The following ONECUT2 variants were observed in gnomAD, a reference collection of about 807,000 sequenced individuals.
ONECUT2 encodes one cut domain family member 2.
In ONECUT2, 10 loss-of-function variants were observed where a neutral mutation model predicts 27.9. The ratio of observed to expected loss-of-function variants is 0.36; its 90% CI spans 0.22 to 0.61. ONECUT2 has a LOEUF of 0.61. ONECUT2 is among the 20% of genes least tolerant of loss of function. ONECUT2 has a pLI of 0.73. For synonymous variants in ONECUT2, 334 were observed against 315.1 expected, an observed-to-expected ratio of 1.06 and a Z score of -0.64; for missense variants, 686 against 721.0, an observed-to-expected ratio of 0.95 and a Z score of 0.56.
chr18:57,464,971 A>C (rs1375917081), intron 1 of ONECUT2, among the ~76,000 whole-genome samples: 3 of 152,190 alleles, frequency 2.0e-5, no homozygotes, highest in African/African-American at 7.2e-5. Context: ...TAGAAAGCCT[A>C]TAGTTAGAAT....
At chr18:57,439,137 T>C (rs536649214) in intron 1 of ONECUT2, among the ~76,000 whole-genome samples, 6 of 152,352 alleles carry the variant, frequency 3.9e-5, no homozygotes, top group Non-Finnish European at 8.8e-5. Context: ...CTGAAAGTGA[T>C]GAGGAAAGTA....
Position 57,490,286 on chromosome 18 carries a change from G to A in ONECUT2, c.*13563G>A, listed in dbSNP as rs758831979. ...GTTCCAGTATCTTTTCTTCCATCCA[G>A]TTTTGTTCTCAGAATCCAAGTCAGT... On this transcript the variant is annotated 3_prime_UTR_variant, in exon 2 of 2. Transcript: ENST00000491143. The A allele has an allele frequency of 2.0e-5, 3 of 152,170 alleles. No individual in the cohort carries two copies. The highest frequency in any genetic ancestry group is 4.4e-5 in the Non-Finnish European group (3 of 68,040). The allele number at this position is 152,170 out of a possible 1,614,324, so 9.4% of individuals were successfully genotyped here.
chr18:57,447,487 G>A (rs768948887), intron 1 of ONECUT2, among the ~76,000 whole-genome samples: 1 of 152,360 alleles, frequency 6.6e-6, no homozygotes, highest in Non-Finnish European at 1.5e-5. Context: ...GGGAAGAGGA[G>A]GCGGCATCTG....
At position 57,436,910 on chromosome 18, in the gene ONECUT2, C is replaced by T; in HGVS notation, c.1194C>T (p.Pro398=). 6.2e-7 allele frequency: 1 copy of T among 1,610,524 alleles called. No homozygotes were observed. Among genetic ancestry groups the T allele is most frequent in the South Asian group, 1.1e-5 (1 of 90,578 alleles). Residue 398 remains proline, a synonymous_variant, in exon 1 of 2, where the codon CCC becomes CCT. Transcript: ENST00000491143. This position sits in a 1 kb window ranked among gnomAD's most constrained non-coding sequence, Gnocchi z 5.9. ...FRRMWKWLQE[P]EFQRMSALRL... is the part of the protein sequence containing the mutation. ...GGATGTGGAAGTGGCTTCAGGAGCC[C>T]GAGTTCCAGCGCATGTCCGCCTTAC...
At chr18:57,442,947 C>T (rs1204058069) in intron 1 of ONECUT2, among the ~76,000 whole-genome samples, 1 of 152,142 alleles carries the variant, frequency 6.6e-6, no homozygotes, top group Non-Finnish European at 1.5e-5. Context: ...CTCCTGCTGT[C>T]TTCAAACCAA....
intron 1 of ONECUT2, among the ~76,000 whole-genome samples, chr18:57,465,824 T>C (rs994913002): frequency 1.3e-5 from 2 of 152,226 alleles, no homozygotes; most frequent in East Asian, 3.8e-4. Flanking sequence ...CTAAGCCCTA[T>C]ACTAAATCGC....
chr18:57,446,261 A>G (rs530399537), intron 1 of ONECUT2, among the ~76,000 whole-genome samples: 1 of 152,388 alleles, frequency 6.6e-6, no homozygotes, highest in South Asian at 2.1e-4. Flanking sequence ...ATGATTAAAC[A>G]GTTTTGATCT....
At chr18:57,441,203 G>A (rs2050172336) in intron 1 of ONECUT2, among the ~76,000 whole-genome samples, 1 of 152,260 alleles carries the variant, frequency 6.6e-6, no homozygotes. Context: ...TATGGAGGGA[G>A]ATCGATGCTG....
chr18:57,460,794 A>G (rs542731934), intron 1 of ONECUT2, among the ~76,000 whole-genome samples: 15 of 146,726 alleles, frequency 1.0e-4, no homozygotes, highest in Non-Finnish European at 2.1e-4. Flanking sequence ...AGCTCGGGTG[A>G]TCCTCCTACC....
intron 1 of ONECUT2, among the ~76,000 whole-genome samples, chr18:57,451,942 G>T (rs201499178): frequency 2.0e-5 from 3 of 151,062 alleles, no homozygotes; most frequent in Non-Finnish European, 4.4e-5. Flanking sequence ...CATGAGGAAT[G>T]GGGGGGGCGG....
At chr18:57,438,281 C>G (rs1384705371) in intron 1 of ONECUT2, among the ~76,000 whole-genome samples, 2 of 152,366 alleles carry the variant, frequency 1.3e-5, no homozygotes, top group African/African-American at 2.4e-5. Context: ...CTATGGCAAG[C>G]CAGGGTGGGC....
intron 1 of ONECUT2, among the ~76,000 whole-genome samples, chr18:57,459,157 C>A (rs2050276394): frequency 6.6e-6 from 1 of 152,180 alleles, no homozygotes; most frequent in Non-Finnish European, 1.5e-5. Context: ...GTTAAAGAAA[C>A]AAGACCCATC....
chr18:57,459,120 A>C (rs1015433164), intron 1 of ONECUT2, among the ~76,000 whole-genome samples: 5 of 152,190 alleles, frequency 3.3e-5, no homozygotes, highest in Non-Finnish European at 7.3e-5. Flanking sequence ...TCAGTTCTCC[A>C]GTTAAAAGGC....
At position 57,436,759 on chromosome 18, in the gene ONECUT2, G is replaced by A. The variant is rs778178849; in HGVS notation, c.1043G>A (p.Arg348His). The A allele has an allele frequency of 6.2e-7, 1 of 1,614,026 alleles. No homozygotes were observed. The highest frequency in any genetic ancestry group is 8.5e-7 in the Non-Finnish European group (1 of 1,180,044). Residue 348 changes from arginine to histidine, a missense_variant, in exon 1 of 2, where the codon CGC (arginine) becomes CAC (histidine). Coordinates refer to ENST00000491143, the MANE Select transcript of ONECUT2 (RefSeq NM_004852.3). This position sits in a 1 kb window ranked among gnomAD's most constrained non-coding sequence, Gnocchi z 5.9. ...VAQRITAELK[R>H]YSIPQAIFAQ... ...CAGCGCATCACAGCGGAGCTGAAGCGCTACAGTATCCCCCAGGCGATCTTT... is the reference window on the plus strand; with the variant it reads ...CAGCGCATCACAGCGGAGCTGAAGCACTACAGTATCCCCCAGGCGATCTTT...
intron 1 of ONECUT2, among the ~76,000 whole-genome samples, chr18:57,451,166 T>C (rs2050228123): frequency 1.3e-5 from 2 of 152,280 alleles, no homozygotes; most frequent in African/African-American, 2.4e-5. Flanking sequence ...TTTACAGTTA[T>C]GTTTTGACGT....
Position 57,485,725 on chromosome 18 carries a change from C to T in ONECUT2, c.*9002C>T, listed in dbSNP as rs763425753. 16 of 152,306 alleles carry T rather than the reference C, an allele frequency of 1.1e-4. No individual in the cohort carries two copies. Among genetic ancestry groups the T allele is most frequent in the South Asian group, 6.2e-4 (3 of 4,826 alleles). The allele number at this position is 152,306 out of a possible 1,614,324, so 9.4% of individuals were successfully genotyped here. A position where few individuals can be genotyped will look rare whatever the true frequency, so the allele number is the denominator to read the frequency against. ...AAAGAGAGGAAGGGACCAATCAACT[C>T]ATCAGTTCCATGCATCAACAAAGCA... On this transcript the variant is annotated 3_prime_UTR_variant, in exon 2 of 2. Coordinates refer to ENST00000491143, the MANE Select transcript of ONECUT2 (RefSeq NM_004852.3).
At position 57,476,852 on chromosome 18, in the gene ONECUT2, T is replaced by C; in HGVS notation, c.*129T>C. 9.5e-7 allele frequency: 1 copy of C among 1,051,008 alleles called. No individual in the cohort carries two copies. 65.1% of individuals were successfully genotyped at this position (1,051,008 alleles called of 1,614,324 possible). ...CTGGTGATTTGAAAGCACAATTCTC[T>C]TGCAAAGAAACTTATATTCTAGCTG... On this transcript the variant is annotated 3_prime_UTR_variant, in exon 2 of 2. Coordinates refer to ENST00000491143, the MANE Select transcript of ONECUT2 (RefSeq NM_004852.3).
intron 1 of ONECUT2, among the ~76,000 whole-genome samples, chr18:57,475,213 T>C (rs3826650): frequency 0.061 from 9,318 of 151,956 alleles, 740 homozygotes; most frequent in East Asian, 0.36. Context: ...CCCACCACCA[T>C]GCCCAGCTAT....
chr18:57,479,668 A>C lies in ONECUT2; in HGVS notation c.*2945A>C, dbSNP rs1265526158. 2 of 152,606 alleles carry C rather than the reference A, an allele frequency of 1.3e-5. No homozygotes were observed. Among genetic ancestry groups the C allele is most frequent in the Non-Finnish European group, 2.9e-5 (2 of 68,046 alleles). 9.5% of individuals were successfully genotyped at this position (152,606 alleles called of 1,614,324 possible). ...CTATTCTATCCCTCAGCCTCGATTA[A>C]GGTGGTGAGTGAAGTGCATCCAACA... is the stretch of plus-strand genomic sequence containing the variant. On this transcript the variant is annotated 3_prime_UTR_variant, in exon 2 of 2. Coordinates refer to ENST00000491143, the MANE Select transcript of ONECUT2 (RefSeq NM_004852.3).
Sources: allele counts gnomAD v4.1 joint callset (sites outside exome capture counted in the v4.1 genomes callset), GRCh38; gene constraint gnomAD v4.1.1; non-coding constraint Gnocchi (gnomAD v3.1); transcripts MANE v1.5; gene names NCBI Gene and HGNC (gene_info 2026-07-23, HGNC 2026-07-21).